The following ANTXR2 variants were observed in gnomAD, a reference collection of about 807,000 sequenced individuals.
The protein encoded by ANTXR2 is anthrax toxin receptor 2.
In ANTXR2, 44 loss-of-function variants were observed where a neutral mutation model predicts 73.7. That is an observed-to-expected ratio of 0.60 (90% CI 0.47 to 0.77). The LOEUF (loss-of-function observed/expected upper bound fraction) is 0.77, where lower values mean the gene tolerates loss of function less well. ANTXR2 is among the 30% of genes least tolerant of loss of function. The pLI, the probability that ANTXR2 is intolerant of heterozygous loss-of-function variation, is 0.00. For missense variants in ANTXR2, 604 were observed against 592.5 expected (o/e 1.02, Z -0.20); for synonymous variants, 217 against 205.9 (o/e 1.05, Z -0.46).
At chr4:80,027,850 T>C (rs1485644783) in intron 10 of ANTXR2, among the ~76,000 whole-genome samples, 3 of 152,300 alleles carry the variant, frequency 2.0e-5, no homozygotes, top group African/African-American at 4.8e-5. Context: ...TAAGCCCACG[T>C]TGCAAATACT....
chr4:79,926,955 G>GTGCATATATGTATATATATACACA (rs1470173608), intron 16 of ANTXR2, among the ~76,000 whole-genome samples: 1 of 80,852 alleles, frequency 1.2e-5, no homozygotes, highest in Non-Finnish European at 2.2e-5. Flanking sequence ...GTATATATAC[G>GTGCATATATGTATATATATACACA]TGTGCATATA....
chr4:79,994,247 ATTC>A (rs1730619788), intron 12 of ANTXR2, among the ~76,000 whole-genome samples: 2 of 152,042 alleles, frequency 1.3e-5, no homozygotes, highest in African/African-American at 2.4e-5. Flanking sequence ...CCAGGTCAAT[ATTC>A]TTCTAACAGA....
intron 12 of ANTXR2, among the ~76,000 whole-genome samples, chr4:79,998,420 A>G (rs1228650931): frequency 6.6e-6 from 1 of 151,912 alleles, no homozygotes; most frequent in Non-Finnish European, 1.5e-5. Context: ...ACACAATCTA[A>G]CTGACAACAC....
rs536691810 is a variant in ANTXR2, at chr4:80,018,321, G to A, written c.945+577C>T. On this transcript the variant is annotated intron_variant, in intron 11 of 16. Transcript: ENST00000403729. ...CAAAATTAAATAAAAGGAAGAAAATGTCTACTGAATGGAGCTTATATTTCA... is the reference window on the plus strand; with the variant it reads ...CAAAATTAAATAAAAGGAAGAAAATATCTACTGAATGGAGCTTATATTTCA... Among the ~76,000 whole-genome samples, 194 of 152,268 alleles carry A rather than the reference G, an allele frequency of 1.3e-3. 1 individual carries two copies. Among genetic ancestry groups the A allele is most frequent in the Admixed American group, 2.0e-3 (31 of 15,300 alleles).
chr4:80,034,399 C>A (rs1732856777), intron 8 of ANTXR2, among the ~76,000 whole-genome samples: 1 of 151,968 alleles, frequency 6.6e-6, no homozygotes. Context: ...TTTATTTGAG[C>A]AGAAGATTCT....
intron 11 of ANTXR2, among the ~76,000 whole-genome samples, chr4:80,015,148 C>T (rs1426629677): frequency 2.6e-5 from 4 of 152,272 alleles, no homozygotes; most frequent in Middle Eastern, 3.4e-3. Context: ...TGATCACTCA[C>T]GAGATGTGAA....
At chr4:79,910,555 C>CA (rs1190848131) in intron 16 of ANTXR2, among the ~76,000 whole-genome samples, 48 of 131,588 alleles carry the variant, frequency 3.6e-4, no homozygotes, top group African/African-American at 7.9e-4. Context: ...AAAACAAAAA[C>CA]AAAAAAAACA....
intron 16 of ANTXR2, among the ~76,000 whole-genome samples, chr4:79,935,090 T>C (rs1277730111): frequency 2.1e-5 from 3 of 139,592 alleles, no homozygotes; most frequent in Non-Finnish European, 3.1e-5. Context: ...ACTTAAAGTA[T>C]AAAAAAAAAA....
chr4:79,945,554 A>G (rs1487642153), intron 16 of ANTXR2, among the ~76,000 whole-genome samples: 1 of 152,192 alleles, frequency 6.6e-6, no homozygotes, highest in Non-Finnish European at 1.5e-5. Flanking sequence ...TAAAGCTGAA[A>G]GAAATTTTAT....
intron 7 of ANTXR2, among the ~76,000 whole-genome samples, chr4:80,036,882 G>A (rs1006237846): frequency 6.6e-6 from 1 of 152,092 alleles, no homozygotes; most frequent in Admixed American, 6.6e-5. Context: ...ATTCCTGTGG[G>A]TGCTAGTCCC....
At chr4:79,923,511 C>G (rs1727666724) in intron 16 of ANTXR2, among the ~76,000 whole-genome samples, 1 of 152,040 alleles carries the variant, frequency 6.6e-6, no homozygotes, top group Admixed American at 6.6e-5. Context: ...CGGAGAGGAG[C>G]TGACCTTGGT....
intron 10 of ANTXR2, among the ~76,000 whole-genome samples, chr4:80,022,905 T>C (rs547001301): frequency 2.6e-5 from 4 of 152,296 alleles, no homozygotes; most frequent in African/African-American, 9.6e-5. Context: ...TAACTGTACC[T>C]ATTTCAAAGT....
At chr4:79,994,920 C>T (rs936339116) in intron 12 of ANTXR2, among the ~76,000 whole-genome samples, 4 of 151,944 alleles carry the variant, frequency 2.6e-5, no homozygotes, top group South Asian at 2.1e-4. Flanking sequence ...AGTCCCTCCA[C>T]GGTTAAGGCC....
At chr4:80,050,089 T>C (rs1185365562) in intron 7 of ANTXR2, among the ~76,000 whole-genome samples, 1 of 151,784 alleles carries the variant, frequency 6.6e-6, no homozygotes, top group Non-Finnish European at 1.5e-5. Context: ...ATCCACTGTT[T>C]CTTCCAAAAC....
At chr4:80,014,362 A>G (rs1023555881) in intron 11 of ANTXR2, among the ~76,000 whole-genome samples, 1 of 151,908 alleles carries the variant, frequency 6.6e-6, no homozygotes, top group African/African-American at 2.4e-5. Flanking sequence ...AGGTCAGGAG[A>G]TTGAGACCAT....
At chr4:80,046,935 C>G (rs1235473448) in intron 7 of ANTXR2, among the ~76,000 whole-genome samples, 17 of 151,588 alleles carry the variant, frequency 1.1e-4, no homozygotes, top group Admixed American at 1.1e-3. Context: ...CCAAATGGTA[C>G]ATTTGGTGAC....
intron 16 of ANTXR2, among the ~76,000 whole-genome samples, chr4:79,926,173 T>C (rs1035298973): frequency 6.6e-6 from 1 of 152,166 alleles, no homozygotes; most frequent in African/African-American, 2.4e-5. Flanking sequence ...AATAAGAATA[T>C]GTATCCAATA....
At chr4:79,975,072 T>C (rs535786821) in intron 16 of ANTXR2, among the ~76,000 whole-genome samples, 2 of 152,370 alleles carry the variant, frequency 1.3e-5, no homozygotes, top group Non-Finnish European at 2.9e-5. Flanking sequence ...TGAATCTTTC[T>C]GGTTTTCACT....
intron 16 of ANTXR2, among the ~76,000 whole-genome samples, chr4:79,926,570 A>G (rs1727789390): frequency 6.6e-6 from 1 of 152,194 alleles, no homozygotes; most frequent in Non-Finnish European, 1.5e-5. Flanking sequence ...TTAAAAATAC[A>G]TATTTCATCA....
Sources: gnomAD v4.1 joint callset for allele counts (sites outside exome capture counted in the v4.1 genomes callset) on GRCh38, gnomAD v4.1.1 for gene constraint, MANE v1.5 for transcripts, NCBI Gene and HGNC (gene_info 2026-07-23, HGNC 2026-07-21) for gene names.